The following DNAH10 variants were observed in gnomAD, a reference collection of about 807,000 sequenced individuals.
DNAH10 encodes axonemal beta dynein heavy chain 10.
In DNAH10, 348 loss-of-function variants were observed where a neutral mutation model predicts 506.6. The observed-to-expected ratio is 0.69, with a 90% CI of 0.63 to 0.75. The LOEUF is 0.75. DNAH10 is among the 30% of genes least tolerant of loss of function. DNAH10 has a pLI of 0.00. For synonymous variants in DNAH10, 2,059 were observed against 2,198.6 expected (o/e 0.94, Z 1.78); for missense variants, 5,179 against 5,787.1 (o/e 0.89, Z 3.41).
chr12:123,917,818 C>T lies in DNAH10; in HGVS notation c.11232+5C>T, dbSNP rs1291840659. ...ACCAAATCCAAGGCAACAGAGGTAGCAACCACAGTGGAAGAGGCCGTGAGT... is the reference window on the plus strand; with the variant it reads ...ACCAAATCCAAGGCAACAGAGGTAGTAACCACAGTGGAAGAGGCCGTGAGT... On this transcript the variant is annotated splice_donor_5th_base_variant and intron_variant, in intron 64 of 78. Transcript: ENST00000673944. The surrounding 1 kb of genome is among the most constrained non-coding windows in gnomAD (Gnocchi z 5.6). The T allele has an allele frequency of 5.1e-6, 8 of 1,564,236 alleles. No homozygotes were observed. In the Admixed American group the frequency reaches 1.3e-4, roughly 26 times the overall value.
intron 19 of DNAH10, among the ~76,000 whole-genome samples, chr12:123,812,490 G>A (rs879385970): frequency 1.4e-4 from 21 of 152,182 alleles, no homozygotes; most frequent in Admixed American, 1.3e-3. Context: ...AAAAAACAGA[G>A]CCTTAACTCT....
chr12:123,788,670 G>A (rs1476058276), intron 10 of DNAH10, among the ~76,000 whole-genome samples: 1 of 152,184 alleles, frequency 6.6e-6, no homozygotes, highest in East Asian at 1.9e-4. Context: ...GCTCACACCT[G>A]TAATCCCAGC....
intron 10 of DNAH10, among the ~76,000 whole-genome samples, chr12:123,789,642 C>T (rs1448580420): frequency 6.6e-6 from 1 of 152,130 alleles, no homozygotes; most frequent in Non-Finnish European, 1.5e-5. Context: ...CCTCAGCCTC[C>T]CTGAAGCACT....
At position 123,861,021 on chromosome 12, in the gene DNAH10, G is replaced by A. The variant is rs1951589303; in HGVS notation, c.6759G>A (p.Leu2253=). 1.2e-6 allele frequency: 2 copies of A among 1,613,952 alleles called. No individual in the cohort carries two copies. The highest frequency in any genetic ancestry group is 2.2e-5 in the East Asian group (1 of 44,876). Residue 2253 remains leucine (L), a synonymous_variant, in exon 39 of 79, where the codon CTG becomes CTA. Transcript: ENST00000673944. ...TLCQAQTKLG[L]TTKLYILNPK... ...GCCTCTCTTGATTTAGGCTTGGGCT[G>A]ACGACAAAGTTGTACATCCTGAACC... is the stretch of plus-strand genomic sequence containing the variant.
chr12:123,934,484 G>A, intron 77 of DNAH10, 137 bp from the exon 78 acceptor site: 1 of 1,054,930 alleles, frequency 9.5e-7, no homozygotes, highest in South Asian at 1.4e-5. Flanking sequence ...GCTGGAGAAG[G>A]GCCTGGGCTG....
chr12:123,886,608 G>A (rs1044615809), intron 51 of DNAH10, among the ~76,000 whole-genome samples: 7 of 152,082 alleles, frequency 4.6e-5, no homozygotes, highest in Non-Finnish European at 1.0e-4. Flanking sequence ...TGAGTGAAGC[G>A]TGTGTGTCAA....
rs780497961 is a variant in DNAH10 at position 123,918,915 on chromosome 12, G to A, written c.11472G>A (p.Thr3824=). 35 of 1,613,396 alleles carry A rather than the reference G, an allele frequency of 2.2e-5. No individual in the cohort carries two copies. The highest frequency in any genetic ancestry group is 1.6e-4 in the Middle Eastern group (1 of 6,082). ...LMKRLRNIMD[T]LTFSIYNHGC... ...AACGCCTGAGGAACATCATGGACAC[G>A]CTGACCTTCAGCATCTATAACCACG... is the stretch of plus-strand genomic sequence containing the variant. Residue 3824 remains threonine (T), a synonymous_variant, in exon 65 of 79, where the codon ACG becomes ACA. Coordinates refer to ENST00000673944, the MANE Select transcript of DNAH10 (RefSeq NM_001372106.1).
Position 123,924,316 on chromosome 12 carries a change from T to G in DNAH10, c.11650T>G (p.Cys3884Gly). 1 of 1,612,610 alleles carries G rather than the reference T, an allele frequency of 6.2e-7. No individual in the cohort carries two copies. The highest frequency in any genetic ancestry group is 1.7e-4 in the Middle Eastern group (1 of 6,060). The part of the protein sequence containing the change: ...SLEKSKRKKP[C>G]AWLSDQGWED... ...GGAGAAAAGCAAAAGAAAAAAGCCC[T>G]GCGCTTGGTTGTCTGACCAAGGATG... The change falls in exon 67 of 79, where the codon TGC (cysteine) becomes GGC (glycine). Residue 3884 changes from cysteine (C) to glycine (G), a missense_variant. Transcript: ENST00000673944.
intron 51 of DNAH10, among the ~76,000 whole-genome samples, chr12:123,885,667 C>A (rs1426784498): frequency 6.6e-6 from 1 of 152,080 alleles, no homozygotes; most frequent in Non-Finnish European, 1.5e-5. Context: ...AAAAAAGTGT[C>A]CTTATTAACA....
At chr12:123,789,801 G>A in intron 10 of DNAH10, 126 bp from the exon 11 acceptor site, 1 of 859,490 alleles carries the variant, frequency 1.2e-6, no homozygotes, top group Admixed American at 2.6e-5. Flanking sequence ...GCTTAGTCCG[G>A]GAGGAGGTTA....
intron 67 of DNAH10, 76 bp downstream of exon 67, chr12:123,924,508 C>A: frequency 6.5e-7 from 1 of 1,546,262 alleles, no homozygotes; most frequent in Non-Finnish European, 8.8e-7. Flanking sequence ...GTGGCCCAAC[C>A]CCTTAAGAGA....
chr12:123,928,283 CTGGAGCTGCCA>C lies in DNAH10; in HGVS notation c.12106-102_12106-92del. 1 of 1,297,266 alleles carries C rather than the reference CTGGAGCTGCCA, an allele frequency of 7.7e-7. No individual in the cohort carries two copies. The highest frequency in any genetic ancestry group is 1.0e-6 in the Non-Finnish European group (1 of 953,668). The allele number at this position is 1,297,266 out of a possible 1,614,324, so 80.4% of individuals were successfully genotyped here. ...ATCCTCGGCTTGCTTTTGGCTTCTG[CTGGAGCTGCCA>C]TCGCCCTTCTGTGGGTGTGGAGTGG... On this transcript the variant is annotated intron_variant, in intron 69 of 78. Coordinates refer to ENST00000673944, the MANE Select transcript of DNAH10 (RefSeq NM_001372106.1). The surrounding 1 kb of genome is among the most constrained non-coding windows in gnomAD (Gnocchi z 4.9).
rs541258367 is a variant in DNAH10, at chr12:123,834,217, AT to A, written c.4779+879del. On this transcript the variant is annotated intron_variant, in intron 27 of 78. Transcript: ENST00000673944. ...TTTTTTAATTTGTGAGTAAAAAACAATTTTTTTTTAGATGGAGTCTTGCTCT... is the reference window on the plus strand; with the variant it reads ...TTTTTTAATTTGTGAGTAAAAAACAATTTTTTTTAGATGGAGTCTTGCTCT... Among the ~76,000 whole-genome samples the A allele has an allele frequency of 6.6e-5, 10 of 151,576 alleles. No individual in the cohort carries two copies. The East Asian group carries it at 9.7e-4, about 15-fold the overall frequency.
chr12:123,868,419 CTT>C (rs1423917573), intron 43 of DNAH10, among the ~76,000 whole-genome samples: 1 of 152,192 alleles, frequency 6.6e-6, no homozygotes, highest in Non-Finnish European at 1.5e-5. Context: ...TTCTGCATGA[CTT>C]TGAGTTTCTT....
rs1950966110 is a variant in DNAH10, at chr12:123,846,840, C to T, written c.5814+686C>T. Reference sequence around the variant, plus strand: ...ACAGTTTCTCAGCTGTGACTCATACCCACTGTGGATGTGGCATGCACCTGG... The same window carrying T: ...ACAGTTTCTCAGCTGTGACTCATACTCACTGTGGATGTGGCATGCACCTGG... On this transcript the variant is annotated intron_variant, in intron 32 of 78. Transcript: ENST00000673944. This position sits in a 1 kb window ranked among gnomAD's most constrained non-coding sequence, Gnocchi z 4.5. Among the ~76,000 whole-genome samples, 1 of 152,026 alleles carries T rather than the reference C, an allele frequency of 6.6e-6. No individual in the cohort carries two copies. Among genetic ancestry groups the T allele is most frequent in the African/African-American group, 2.4e-5 (1 of 41,372 alleles).
At chr12:123,842,932 A>G (rs1950822434) in intron 30 of DNAH10, among the ~76,000 whole-genome samples, 1 of 152,244 alleles carries the variant, frequency 6.6e-6, no homozygotes, top group Admixed American at 6.5e-5. Flanking sequence ...TTATTATGCT[A>G]GATGCTATTT....
rs1363111338 is a variant in DNAH10, at chr12:123,787,994, G to A, written c.1612G>A (p.Val538Ile). 1.4e-5 allele frequency: 22 copies of A among 1,566,814 alleles called. No homozygotes were observed. Among genetic ancestry groups the A allele is most frequent in the Non-Finnish European group, 3.5e-6 (4 of 1,155,264 alleles). ...CACCATCTGCCAGGACCTCTCCGAC[G>A]TTCTGCAGGTAGGGGCTGGGCGAAG... ...MATICQDLSD[V>I]LQILEEFYNI... Residue 538 changes from valine (V) to isoleucine (I), a missense_variant, in exon 10 of 79, where the codon GTT becomes ATT. Physicochemically the swap from Val to Ile is conservative, Grantham distance 29. Coordinates refer to ENST00000673944, the MANE Select transcript of DNAH10 (RefSeq NM_001372106.1). This position sits in a 1 kb window ranked among gnomAD's most constrained non-coding sequence, Gnocchi z 4.6.
rs781287009 is a variant in DNAH10 at position 123,918,642 on chromosome 12, T to TC, written c.11233-32dup. ...CTGCCCTCTGCCCACATCTCAGTCT[T>TC]CCTGTTTCCAGGGTCACCTGTGCTT... On this transcript the variant is annotated intron_variant, in intron 64 of 78. Transcript: ENST00000673944. The TC allele has an allele frequency of 7.7e-4, 1,172 of 1,531,350 alleles. 5 individuals are homozygous for TC. Among genetic ancestry groups the TC allele is most frequent in the Non-Finnish European group, 7.0e-4 (793 of 1,137,682 alleles). The allele number at this position is 1,531,350 out of a possible 1,614,324, so 94.9% of individuals were successfully genotyped here. A position where few individuals can be genotyped will look rare whatever the true frequency, so the allele number is the denominator to read the frequency against.
chr12:123,896,702 G>A (rs1420352860), intron 54 of DNAH10, among the ~76,000 whole-genome samples: 1 of 142,526 alleles, frequency 7.0e-6, no homozygotes, highest in Non-Finnish European at 1.5e-5. Flanking sequence ...AGGTAACAGA[G>A]TGAGACCCTG....
Sources: gnomAD v4.1 joint callset for allele counts (sites outside exome capture counted in the v4.1 genomes callset) on GRCh38, gnomAD v4.1.1 for gene constraint, Gnocchi (gnomAD v3.1) non-coding constraint, MANE v1.5 for transcripts, NCBI Gene and HGNC (gene_info 2026-07-23, HGNC 2026-07-21) for gene names.